Variants in ZNF678 observed in about 807,000 individuals in gnomAD.
The protein encoded by ZNF678 is hypothetical protein MGC42493.
ZNF678 carries 5 observed loss-of-function variants against 3.0 expected under a neutral mutation model. That is an observed-to-expected ratio of 1.69 (90% CI 0.88 to 3.56). The LOEUF (loss-of-function observed/expected upper bound fraction) is 3.56, where lower values mean the gene tolerates loss of function less well. Among genes scored for constraint, ZNF678 ranks in the 30% most tolerant of loss-of-function variants. The pLI is 0.00. For missense variants in ZNF678, 593 were observed against 605.0 expected, an observed-to-expected ratio of 0.98 and a Z score of 0.21; for synonymous variants, 218 against 199.6, an observed-to-expected ratio of 1.09 and a Z score of -0.78.
intron 1 of ZNF678, among the ~76,000 whole-genome samples, chr1:227,603,523 T>A (rs1028166976): frequency 6.6e-6 from 1 of 152,178 alleles, no homozygotes; most frequent in African/African-American, 2.4e-5. Context: ...CACCCCAGTG[T>A]GACCCACTGG....
intron 1 of ZNF678, among the ~76,000 whole-genome samples, chr1:227,569,975 C>CT (rs1440302813): frequency 6.6e-6 from 1 of 151,656 alleles, no homozygotes; most frequent in Non-Finnish European, 1.5e-5. Flanking sequence ...CTTTTCTGGG[C>CT]TTGCAGTAAA....
At chr1:227,625,219 TAGCTAGGC>T (rs1658380057) in intron 1 of ZNF678, among the ~76,000 whole-genome samples, 1 of 152,200 alleles carries the variant, frequency 6.6e-6, no homozygotes, top group African/African-American at 2.4e-5. Flanking sequence ...TCACCCTCCC[TAGCTAGGC>T]TTAGGAATTC....
chr1:227,611,877 A>C (rs186901751), intron 1 of ZNF678, among the ~76,000 whole-genome samples: 7 of 152,260 alleles, frequency 4.6e-5, no homozygotes, highest in Admixed American at 4.6e-4. Context: ...TGAGAACCCT[A>C]TTCTAGCAAA....
chr1:227,623,714 G>C (rs1488261739), intron 1 of ZNF678, among the ~76,000 whole-genome samples: 5 of 152,004 alleles, frequency 3.3e-5, no homozygotes, highest in Non-Finnish European at 7.4e-5. Flanking sequence ...AACTTTTGTA[G>C]TACAGAAATG....
chr1:227,666,721 T>C (rs1360515623), downstream of ZNF678, among the ~76,000 whole-genome samples: 3 of 151,492 alleles, frequency 2.0e-5, no homozygotes, highest in African/African-American at 7.3e-5. Context: ...TCTCTCCTTT[T>C]TCTTTTCTTT....
At chr1:227,675,287 C>A (rs1161513300) in intron 5 of ZNF678, among the ~76,000 whole-genome samples, 1 of 152,140 alleles carries the variant, frequency 6.6e-6, no homozygotes, top group Non-Finnish European at 1.5e-5. Context: ...CATCTGCAAT[C>A]CAGAAGACAG....
At chr1:227,671,074 C>CTTTTTTTTTTTTT (rs200510182) in intron 5 of ZNF678, among the ~76,000 whole-genome samples, 2 of 120,554 alleles carry the variant, frequency 1.7e-5, no homozygotes, top group Non-Finnish European at 1.7e-5. Flanking sequence ...AGTGGATCAC[C>CTTTTTTTTTTTTT]TTTTTTTTTT....
intron 1 of ZNF678, among the ~76,000 whole-genome samples, chr1:227,621,135 A>G (rs891015180): frequency 6.6e-6 from 1 of 152,178 alleles, no homozygotes; most frequent in Non-Finnish European, 1.5e-5. Context: ...AGTCCCAGCT[A>G]TTCTGGAGAG....
chr1:227,631,713 A>C (rs546360644), intron 1 of ZNF678, among the ~76,000 whole-genome samples: 1 of 152,282 alleles, frequency 6.6e-6, no homozygotes, highest in East Asian at 1.9e-4. Context: ...TGCGAGAAGG[A>C]GAATGAGGAG....
In ZNF678 at chr1:227,667,546, C is replaced by A. The variant is rs144225228; in HGVS notation, c.227-9633C>A. ...CTGAGAAGACGAGGAGATTGGTGAC[C>A]CCAGCTTCTATTAATCTCCTCTCCA... On this transcript the variant is annotated intron_variant, in intron 5 of 5. Transcript: ENST00000608949. Among the ~76,000 whole-genome samples the A allele has an allele frequency of 1.2e-3, 190 of 152,160 alleles. 2 individuals carry two copies. The highest frequency in any genetic ancestry group is 5.9e-4 in the Non-Finnish European group (40 of 68,002).
rs1258479187 is a variant in ZNF678, at chr1:227,658,546, C to T, written c.*2718C>T. ...ACTTCACTGTTATTTTATTTTCACC[C>T]CCAACTATGCGTCAATCATAGCCCT... On this transcript the variant is annotated 3_prime_UTR_variant, in exon 4 of 4. Transcript: ENST00000343776. 2.6e-5 allele frequency: 4 copies of T among 151,966 alleles called. No individual in the cohort carries two copies. Among genetic ancestry groups the T allele is most frequent in the Non-Finnish European group, 5.9e-5 (4 of 67,936 alleles). The allele number at this position is 151,966 out of a possible 1,614,324, so 9.4% of individuals were successfully genotyped here.
intron 5 of ZNF678, among the ~76,000 whole-genome samples, chr1:227,675,953 G>A (rs1432395278): frequency 6.6e-6 from 1 of 152,172 alleles, no homozygotes; most frequent in Non-Finnish European, 1.5e-5. Flanking sequence ...GAGATAAGCT[G>A]TGCATTCAGG....
At chr1:227,639,991 C>T (rs1261386707) in intron 1 of ZNF678, among the ~76,000 whole-genome samples, 1 of 152,166 alleles carries the variant, frequency 6.6e-6, no homozygotes, top group Non-Finnish European at 1.5e-5. Context: ...TCTTTGGTTC[C>T]TGCTACTTCC....
At chr1:227,624,825 A>G (rs1197892704) in intron 1 of ZNF678, among the ~76,000 whole-genome samples, 1 of 152,216 alleles carries the variant, frequency 6.6e-6, no homozygotes, top group African/African-American at 2.4e-5. Context: ...GAAGTGCAGC[A>G]GACACCCTGC....
intron 1 of ZNF678, among the ~76,000 whole-genome samples, chr1:227,603,750 C>T (rs1657795215): frequency 1.3e-5 from 2 of 152,180 alleles, no homozygotes; most frequent in Admixed American, 6.5e-5. Flanking sequence ...AGCCACTAAC[C>T]TTGAGCTTCT....
Position 227,674,608 on chromosome 1 carries a change from C to CT in ZNF678, c.227-2560dup, listed in dbSNP as rs1383826284. On this transcript the variant is annotated intron_variant, in intron 5 of 5. Coordinates refer to the ZNF678 transcript ENST00000608949. The stretch of plus-strand genomic sequence containing the variant: ...ATATAATTTTTCTTTTTTTTTTTTT[C>CT]TTTTTTTTTTTGAGGCAGAGTTTAA... Among the ~76,000 whole-genome samples the CT allele has an allele frequency of 7.1e-4, 85 of 120,222 alleles. 1 individual carries two copies. The highest frequency in any genetic ancestry group is 4.9e-3 in the Middle Eastern group (1 of 204). 78.9% of individuals were successfully genotyped at this position (120,222 alleles called of 152,430 possible).
chr1:227,603,973 T>C lies in ZNF678; in HGVS notation c.-164+40249T>C, dbSNP rs187328473. Among the ~76,000 whole-genome samples the C allele has an allele frequency of 1.4e-4, 21 of 152,358 alleles. 1 individual carries two copies. The East Asian group carries it at 1.9e-3, about 14-fold the overall frequency. On this transcript the variant is annotated intron_variant, in intron 1 of 3. Transcript: ENST00000343776. ...CTTTTGCTTCTGGTTTCTATTAGTTTGTTTGAGGTTCATATCTGTTGTAGC... is the reference window on the plus strand; with the variant it reads ...CTTTTGCTTCTGGTTTCTATTAGTTCGTTTGAGGTTCATATCTGTTGTAGC...
chr1:227,607,095 T>C (rs1030938921), intron 1 of ZNF678, among the ~76,000 whole-genome samples: 3 of 152,240 alleles, frequency 2.0e-5, no homozygotes, highest in Admixed American at 2.0e-4. Context: ...CATCCAGATC[T>C]GAGATACTCT....
At position 227,654,936 on chromosome 1, in the gene ZNF678, G is replaced by T. The variant is rs527431317; in HGVS notation, c.686G>T (p.Arg229Ile). 1.5e-5 allele frequency: 24 copies of T among 1,612,390 alleles called. No individual in the cohort carries two copies. In the South Asian group the frequency reaches 1.6e-4, roughly 11 times the overall value. ...TQFSNLTQHK[R>I]IHTGEKPYKC... ...TTCTCAAACCTTACACAACATAAGA[G>T]AATTCATACTGGAGAGAAACCCTAC... Residue 229 changes from arginine (R) to isoleucine (I), a missense_variant, in exon 4 of 4, where the codon AGA (arginine) becomes ATA (isoleucine). Arg to Ile is a moderately conservative substitution (Grantham distance 97, BLOSUM62 -3). Transcript: ENST00000343776.
Sources: allele counts gnomAD v4.1 joint callset (sites outside exome capture counted in the v4.1 genomes callset), GRCh38; gene constraint gnomAD v4.1.1; transcripts MANE v1.5; gene names NCBI Gene and HGNC (gene_info 2026-07-23, HGNC 2026-07-21).